The following FOXP1 variants were observed in gnomAD, a reference collection of about 807,000 sequenced individuals.
The protein encoded by FOXP1 is forkhead box P1.
A neutral mutation model predicts 98.2 loss-of-function variants in FOXP1; 15 were observed. The observed-to-expected ratio is 0.15, with a 90% CI of 0.10 to 0.24. The LOEUF is 0.24. Among genes scored for constraint, FOXP1 ranks in the 10% least tolerant of loss-of-function variants. FOXP1 has a pLI of 1.00. For synonymous variants in FOXP1, 371 were observed against 314.5 expected, an observed-to-expected ratio of 1.18 and a Z score of -1.90; for missense variants, 633 against 848.5, an observed-to-expected ratio of 0.75 and a Z score of 3.15.
chr3:71,012,053 C>T (rs2043731773), intron 12 of FOXP1, among the ~76,000 whole-genome samples: 1 of 152,112 alleles, frequency 6.6e-6, no homozygotes, highest in Non-Finnish European at 1.5e-5. Context: ...TAGCCATTAA[C>T]AAAATGTTTA....
At chr3:71,545,315 G>A (rs572835440) in intron 2 of FOXP1, among the ~76,000 whole-genome samples, 7 of 152,168 alleles carry the variant, frequency 4.6e-5, no homozygotes, top group Non-Finnish European at 8.8e-5. Flanking sequence ...ATAGTGATAT[G>A]TAACAAAGCA....
chr3:71,494,657 T>C (rs1432069478), intron 2 of FOXP1, among the ~76,000 whole-genome samples: 2 of 152,182 alleles, frequency 1.3e-5, no homozygotes, highest in Non-Finnish European at 2.9e-5. Flanking sequence ...CTTCTGTGCA[T>C]AAGCATCTTT....
intron 7 of FOXP1, among the ~76,000 whole-genome samples, chr3:71,097,273 T>C (rs1036740551): frequency 1.3e-5 from 2 of 152,248 alleles, no homozygotes; most frequent in African/African-American, 4.8e-5. Context: ...GTGAAAATTA[T>C]GTGAAATTTA....
chr3:71,275,904 C>T (rs905855593), intron 5 of FOXP1, among the ~76,000 whole-genome samples: 8 of 152,114 alleles, frequency 5.3e-5, no homozygotes, highest in African/African-American at 1.9e-4. Flanking sequence ...TATCCTGCAG[C>T]ATTCTTTTAG....
intron 3 of FOXP1, among the ~76,000 whole-genome samples, chr3:71,406,735 C>T (rs1460721726): frequency 1.3e-5 from 2 of 152,094 alleles, no homozygotes; most frequent in Non-Finnish European, 2.9e-5. Flanking sequence ...ATGTAGAGCT[C>T]TTTGGGTTGT....
chr3:71,331,780 A>C (rs932021712), intron 4 of FOXP1, among the ~76,000 whole-genome samples: 1 of 152,138 alleles, frequency 6.6e-6, no homozygotes, highest in Non-Finnish European at 1.5e-5. Context: ...AAATACGCCA[A>C]TCAGTACTCT....
intron 3 of FOXP1, among the ~76,000 whole-genome samples, chr3:71,479,443 T>C (rs72961254): frequency 0.034 from 5,145 of 151,938 alleles, 270 homozygotes; most frequent in African/African-American, 0.12. Flanking sequence ...TCTATGACTA[T>C]TGGGGCAGGT....
chr3:71,150,673 G>A (rs2060525390), intron 6 of FOXP1, among the ~76,000 whole-genome samples: 1 of 151,930 alleles, frequency 6.6e-6, no homozygotes, highest in African/African-American at 2.4e-5. Context: ...TTAAAAAAAA[G>A]CACTCTAATT....
At chr3:71,011,163 G>A (rs1036921122) in intron 12 of FOXP1, among the ~76,000 whole-genome samples, 5 of 152,142 alleles carry the variant, frequency 3.3e-5, no homozygotes, top group African/African-American at 1.2e-4. Flanking sequence ...ATCTAGGGGA[G>A]TTTCTTCTTA....
intron 14 of FOXP1, 131 bp from the exon 15 acceptor site, chr3:70,978,160 A>T: frequency 1.3e-6 from 1 of 748,584 alleles, no homozygotes; most frequent in African/African-American, 1.7e-5. Context: ...TATGTTTACC[A>T]TGAACCGAAA....
chr3:71,583,636 C>G lies in FOXP1; in HGVS notation c.-512G>C. On this transcript the variant is annotated 5_prime_UTR_variant, in exon 1 of 21. Transcript: ENST00000649528. Reference sequence around the variant, plus strand: ...GGGCCTTTCCCCGCGCGCGCCCACTCCCGCCCGCGCGCGCACCCCGCGCAC... The same window carrying G: ...GGGCCTTTCCCCGCGCGCGCCCACTGCCGCCCGCGCGCGCACCCCGCGCAC... 1.0e-6 allele frequency: 1 copy of G among 983,914 alleles called. No homozygotes were observed. Among genetic ancestry groups the G allele is most frequent in the Non-Finnish European group, 1.2e-6 (1 of 829,458 alleles). The allele number at this position is 983,914 out of a possible 1,614,324, so 60.9% of individuals were successfully genotyped here.
chr3:71,416,178 G>C (rs1213561527), intron 3 of FOXP1, among the ~76,000 whole-genome samples: 1 of 152,092 alleles, frequency 6.6e-6, no homozygotes, highest in East Asian at 1.9e-4. Context: ...GTATAAAACC[G>C]AAAGGGATGA....
rs34267926 is a variant in FOXP1 at position 71,397,043 on chromosome 3, T to C, written c.-167-37799A>G. 6.3e-4 allele frequency among the ~76,000 whole-genome samples: 45 copies of C among 71,086 alleles called. 4 individuals carry two copies. The highest frequency in any genetic ancestry group is 5.3e-3 in the East Asian group (19 of 3,610). 46.6% of individuals were successfully genotyped at this position (71,086 alleles called of 152,430 possible). The stretch of plus-strand genomic sequence containing the variant: ...ATATATACATATATATGTGTATATA[T>C]ATATACACATATATATGTGTATATA... On this transcript the variant is annotated intron_variant, in intron 3 of 20. Coordinates refer to ENST00000649528, the MANE Select transcript of FOXP1 (RefSeq NM_001349338.3).
chr3:71,427,743 G>A (rs2084294652), intron 3 of FOXP1, among the ~76,000 whole-genome samples: 2 of 152,232 alleles, frequency 1.3e-5, no homozygotes, highest in South Asian at 4.1e-4. Context: ...GAGGGGTGAG[G>A]GGTCAAAAAC....
At chr3:71,287,316 C>G (rs1317170775) in intron 5 of FOXP1, among the ~76,000 whole-genome samples, 1 of 150,866 alleles carries the variant, frequency 6.6e-6, no homozygotes, top group East Asian at 2.0e-4. Flanking sequence ...TAAAAACATA[C>G]AAAGATCAGC....
intron 5 of FOXP1, among the ~76,000 whole-genome samples, chr3:71,230,931 A>G (rs2066233982): frequency 2.0e-5 from 3 of 152,216 alleles, no homozygotes. Context: ...TCCATTTGAG[A>G]TACACCTACA....
chr3:71,008,293 G>C (rs2043059917), intron 12 of FOXP1, among the ~76,000 whole-genome samples: 1 of 152,096 alleles, frequency 6.6e-6, no homozygotes, highest in South Asian at 2.1e-4. Context: ...AAAAGGGAGG[G>C]GGAGGAAAGG....
intron 7 of FOXP1, among the ~76,000 whole-genome samples, chr3:71,068,207 G>A (rs937593431): frequency 2.0e-5 from 3 of 152,168 alleles, no homozygotes; most frequent in East Asian, 3.9e-4. Flanking sequence ...AGTCCATTGT[G>A]CAGCTGGCTG....
chr3:71,082,689 T>C (rs140633860), intron 7 of FOXP1, among the ~76,000 whole-genome samples: 5 of 152,108 alleles, frequency 3.3e-5, no homozygotes, highest in East Asian at 1.9e-4. Context: ...AAGTTTATTA[T>C]ATAAACTTTT....
Sources: allele counts gnomAD v4.1 joint callset (sites outside exome capture counted in the v4.1 genomes callset), GRCh38; gene constraint gnomAD v4.1.1; transcripts MANE v1.5; gene names NCBI Gene and HGNC (gene_info 2026-07-23, HGNC 2026-07-21).